The following PLS1 variants were observed in gnomAD, a reference collection of about 807,000 sequenced individuals.
The protein encoded by PLS1 is plastin 1, also known as plastin-1.
Under a neutral mutation model 73.7 loss-of-function variants are expected in PLS1, and 32 were observed. The ratio of observed to expected loss-of-function variants is 0.43; its 90% confidence interval spans 0.33 to 0.58. The LOEUF is 0.58. PLS1 is among the 20% of genes least tolerant of loss of function. The pLI, the probability that PLS1 is intolerant of heterozygous loss-of-function variation, is 0.04. For synonymous variants in PLS1, 217 were observed against 261.3 expected (o/e 0.83, Z 1.63); for missense variants, 633 against 740.5 (o/e 0.85, Z 1.68).
chr3:142,653,848 CA>C (rs2037158176), intron 1 of PLS1, among the ~76,000 whole-genome samples: 1 of 152,144 alleles, frequency 6.6e-6, no homozygotes, highest in African/African-American at 2.4e-5. Flanking sequence ...TACAAAAAAT[CA>C]GTTTAAATTA....
chr3:142,661,801 C>T (rs954969230), intron 1 of PLS1, among the ~76,000 whole-genome samples: 45 of 152,110 alleles, frequency 3.0e-4, no homozygotes, highest in African/African-American at 9.9e-4. Context: ...CAATATAATT[C>T]GTATTCATCT....
chr3:142,703,185 T>G (rs2107953418), intron 12 of PLS1, among the ~76,000 whole-genome samples: 1 of 152,222 alleles, frequency 6.6e-6, no homozygotes, highest in Admixed American at 6.5e-5. Flanking sequence ...ATTTTAAATC[T>G]ACACAAAACA....
At chr3:142,656,675 T>G (rs950193725) in intron 1 of PLS1, 19 of 152,236 alleles carry the variant, frequency 1.2e-4, no homozygotes, top group Non-Finnish European at 2.9e-5. Context: ...GGAAAATTCT[T>G]CAACTATTTC....
chr3:142,694,477 A>G lies in PLS1; in HGVS notation c.1186A>G (p.Lys396Glu). The G allele has an allele frequency of 6.2e-7, 1 of 1,600,182 alleles. No homozygotes were observed. Among genetic ancestry groups the G allele is most frequent in the Non-Finnish European group, 8.6e-7 (1 of 1,167,552 alleles). The change falls in exon 11 of 16, where the codon AAG becomes GAG. Residue 396 changes from lysine (K) to glutamate (E), a missense_variant. Physicochemically the swap from Lys to Glu is moderately conservative, Grantham distance 56. Transcript: ENST00000457734. Reference sequence around the variant, plus strand: ...GCTTGTGTCTACTCTAGGAGAGAGCAAGGAAGAGAGAACATTTCGGAACTG... The same window carrying G: ...GCTTGTGTCTACTCTAGGAGAGAGCGAGGAAGAGAGAACATTTCGGAACTG... ...IDMNLLEGES[K>E]EERTFRNWMN...
At chr3:142,638,804 C>G (rs148151073) in intron 1 of PLS1, among the ~76,000 whole-genome samples, 2 of 151,868 alleles carry the variant, frequency 1.3e-5, no homozygotes, top group East Asian at 3.9e-4. Flanking sequence ...TGTAATGGTG[C>G]GATCTCAGCT....
In PLS1 at chr3:142,638,925, G is replaced by A. The variant is rs1296135518; in HGVS notation, c.-36-25277G>A. Among the ~76,000 whole-genome samples the A allele has an allele frequency of 2.6e-5, 4 of 152,128 alleles. No homozygotes were observed. The South Asian group carries it at 6.2e-4, about 24-fold the overall frequency. ...CCTGGCTAATTTTGTATTTTTAGTA[G>A]AGACGGAGTTTCTCCATGTTGGTCA... On this transcript the variant is annotated intron_variant, in intron 1 of 15. Transcript: ENST00000457734.
At chr3:142,698,176 C>T in intron 12 of PLS1, 109 bp downstream of exon 12, 1 of 646,792 alleles carries the variant, frequency 1.5e-6, no homozygotes, top group Non-Finnish European at 2.7e-6. Context: ...CTGATTCAGA[C>T]CAAAATGTGT....
chr3:142,650,003 T>A (rs1483459873), intron 1 of PLS1, among the ~76,000 whole-genome samples: 1 of 152,150 alleles, frequency 6.6e-6, no homozygotes, highest in African/African-American at 2.4e-5. Context: ...GATTGTTTGT[T>A]TTTGTCTCTA....
In PLS1 at chr3:142,641,998, G is replaced by T. The variant is rs192164204; in HGVS notation, c.-36-22204G>T. Among the ~76,000 whole-genome samples the T allele has an allele frequency of 4.6e-3, 706 of 152,068 alleles. 6 individuals are homozygous for T. Among genetic ancestry groups the T allele is most frequent in the Non-Finnish European group, 6.4e-3 (432 of 68,014 alleles). ...CTCACTCCCTTGAGTTGTGAGTGTTGCCCTACTCTTATGCAGCTTCCCACT... is the reference window on the plus strand; with the variant it reads ...CTCACTCCCTTGAGTTGTGAGTGTTTCCCTACTCTTATGCAGCTTCCCACT... On this transcript the variant is annotated intron_variant, in intron 1 of 15. Coordinates refer to ENST00000457734, the MANE Select transcript of PLS1 (RefSeq NM_001145319.2).
intron 1 of PLS1, among the ~76,000 whole-genome samples, chr3:142,644,277 G>T (rs1398497072): frequency 2.0e-5 from 3 of 150,636 alleles, no homozygotes; most frequent in Non-Finnish European, 4.4e-5. Context: ...TTGAGACAGG[G>T]TCTCACTCTG....
intron 1 of PLS1, among the ~76,000 whole-genome samples, chr3:142,626,235 G>A (rs1040700483): frequency 6.6e-6 from 1 of 152,182 alleles, no homozygotes; most frequent in African/African-American, 2.4e-5. Flanking sequence ...GAGGACGATG[G>A]AAAATCAGGA....
At chr3:142,688,288 TTTG>T (rs1252473706) in intron 9 of PLS1, among the ~76,000 whole-genome samples, 8 of 152,346 alleles carry the variant, frequency 5.3e-5, no homozygotes, top group Admixed American at 2.0e-4. Context: ...GTAACTTTTC[TTTG>T]TTAATTTAAT....
intron 1 of PLS1, among the ~76,000 whole-genome samples, chr3:142,655,794 C>T (rs1289791033): frequency 1.3e-5 from 2 of 151,294 alleles, no homozygotes; most frequent in Non-Finnish European, 2.9e-5. Flanking sequence ...ACCCCCGGTG[C>T]GCTGTTCCTG....
chr3:142,599,986 C>A (rs2035886439), intron 1 of PLS1, among the ~76,000 whole-genome samples: 1 of 151,924 alleles, frequency 6.6e-6, no homozygotes, highest in Non-Finnish European at 1.5e-5. Flanking sequence ...GTCTTGAATT[C>A]TTTGGCCTGC....
intron 1 of PLS1, among the ~76,000 whole-genome samples, chr3:142,635,634 C>T (rs1323304340): frequency 6.6e-6 from 1 of 152,030 alleles, no homozygotes; most frequent in Non-Finnish European, 1.5e-5. Context: ...AGAGATATAA[C>T]ATGGTGATGA....
At chr3:142,611,296 T>C (rs1348595258) in intron 1 of PLS1, among the ~76,000 whole-genome samples, 1 of 152,200 alleles carries the variant, frequency 6.6e-6, no homozygotes, top group African/African-American at 2.4e-5. Flanking sequence ...TGTTATTTTA[T>C]TCTCACAAAT....
intron 2 of PLS1, 59 bp from the exon 3 acceptor site, chr3:142,669,331 T>C: frequency 1.0e-6 from 1 of 990,412 alleles, no homozygotes; most frequent in East Asian, 2.7e-5. Flanking sequence ...CCAAAAGGCA[T>C]CCTTATTGTA....
chr3:142,669,683 GAT>G, intron 3 of PLS1, 130 bp downstream of exon 3: 2 of 561,504 alleles, frequency 3.6e-6, no homozygotes. Context: ...TGATGATGAT[GAT>G]GATGACAATA....
intron 12 of PLS1, among the ~76,000 whole-genome samples, chr3:142,702,444 T>C (rs1043255230): frequency 6.6e-6 from 1 of 152,302 alleles, no homozygotes; most frequent in East Asian, 1.9e-4. Context: ...TTTCTTACTA[T>C]TGGGGAAAAT....
Sources: gnomAD v4.1 joint callset for allele counts (sites outside exome capture counted in the v4.1 genomes callset) on GRCh38, gnomAD v4.1.1 for gene constraint, MANE v1.5 for transcripts, NCBI Gene and HGNC (gene_info 2026-07-23, HGNC 2026-07-21) for gene names.